Variants in PTBP3 observed in about 807,000 individuals in gnomAD.
PTBP3 encodes the protein polypyrimidine tract-binding protein 3.
PTBP3 carries 20 observed loss-of-function variants against 58.7 expected under a neutral mutation model. The observed-to-expected ratio is 0.34, with a 90% CI of 0.24 to 0.50. The LOEUF (loss-of-function observed/expected upper bound fraction) is 0.50, where lower values mean the gene tolerates loss of function less well. Among genes scored for constraint, PTBP3 ranks in the 20% least tolerant of loss-of-function variants. The pLI is 0.98. For synonymous variants in PTBP3, 185 were observed against 219.8 expected, an observed-to-expected ratio of 0.84 and a Z score of 1.40; for missense variants, 509 against 637.2, an observed-to-expected ratio of 0.80 and a Z score of 2.17.
At chr9:112,248,101 A>C (rs760501969) in intron 7 of PTBP3, among the ~76,000 whole-genome samples, 18 of 152,202 alleles carry the variant, frequency 1.2e-4, no homozygotes, top group Non-Finnish European at 2.4e-4. Context: ...TTATTACTAA[A>C]ACACCATAAA....
intron 2 of PTBP3, among the ~76,000 whole-genome samples, chr9:112,292,910 T>C (rs1047066274): frequency 6.6e-6 from 1 of 152,168 alleles, no homozygotes; most frequent in African/African-American, 2.4e-5. Context: ...TTTTGTATTT[T>C]TGACCAAAAT....
rs1208023241 is a variant in PTBP3 at position 112,218,586 on chromosome 9, T to A, written c.*5265A>T. 2 of 152,666 alleles carry A rather than the reference T, an allele frequency of 1.3e-5. No individual in the cohort carries two copies. Among genetic ancestry groups the A allele is most frequent in the Non-Finnish European group, 2.9e-5 (2 of 68,046 alleles). 9.5% of individuals were successfully genotyped at this position (152,666 alleles called of 1,614,324 possible). A position where few individuals can be genotyped will look rare whatever the true frequency, so the allele number is the denominator to read the frequency against. ...ATACTGTAGTGTACAGAAGCTTGAA[T>A]TAACCATGCACTACGCATTTAGAAA... is the stretch of plus-strand genomic sequence containing the variant. On this transcript the variant is annotated 3_prime_UTR_variant, in exon 14 of 14. Transcript: ENST00000374257.
chr9:112,231,432 A>G lies in PTBP3; in HGVS notation c.1021-19T>C. The G allele has an allele frequency of 6.4e-7, 1 of 1,566,248 alleles. No homozygotes were observed. Among genetic ancestry groups the G allele is most frequent in the Non-Finnish European group, 8.7e-7 (1 of 1,153,050 alleles). On this transcript the variant is annotated intron_variant, in intron 9 of 13. Coordinates refer to ENST00000374257, the MANE Select transcript of PTBP3 (RefSeq NM_001163788.4). ...TGATAAGCTGTAAAGGGTAACACAA[A>G]GTTAAGTGTCTGACAATTTAAGTAA... is the stretch of plus-strand genomic sequence containing the variant.
chr9:112,320,314 A>ATATATATATTTTTT lies in PTBP3; in HGVS notation c.-52+13155_-52+13156insAAAAAATATATATA. Among the ~76,000 whole-genome samples the ATATATATATTTTTT allele has an allele frequency of 7.4e-3, 558 of 75,586 alleles. 10 individuals are homozygous for ATATATATATTTTTT. The highest frequency in any genetic ancestry group is 9.8e-3 in the Non-Finnish European group (427 of 43,510). The allele number at this position is 75,586 out of a possible 152,430, so 49.6% of individuals were successfully genotyped here. On this transcript the variant is annotated intron_variant, in intron 1 of 13. Transcript: ENST00000374257. ...AAAATATATATATATATATATATATATTTTTTTTTAAGTGTTATCACCAGA... is the reference window on the plus strand; with the variant it reads ...AAAATATATATATATATATATATATATATATATATTTTTTTTTTTTTTTAAGTGTTATCACCAGA...
At chr9:112,290,198 G>A (rs1249606580) in intron 2 of PTBP3, among the ~76,000 whole-genome samples, 1 of 152,012 alleles carries the variant, frequency 6.6e-6, no homozygotes, top group East Asian at 1.9e-4. Context: ...TAAAAAACAA[G>A]TTAAAGAGAA....
At chr9:112,337,769 G>A (rs943415822), upstream of PTBP3, among the ~76,000 whole-genome samples, 8 of 152,174 alleles carry the variant, frequency 5.3e-5, no homozygotes, top group Non-Finnish European at 8.8e-5. Flanking sequence ...GATTATCTTT[G>A]GACAACATGT....
chr9:112,371,906 A>AT, the PTBP3 span, among the ~76,000 whole-genome samples: 1 of 151,592 alleles, frequency 6.6e-6, no homozygotes, highest in African/African-American at 2.4e-5. Flanking sequence ...GCTAATGGCT[A>AT]TTTTTTTGTT....
intron 1 of PTBP3, among the ~76,000 whole-genome samples, chr9:112,331,903 G>A (rs187562986): frequency 6.6e-6 from 1 of 152,128 alleles, no homozygotes; most frequent in Admixed American, 6.5e-5. Flanking sequence ...TACATTTTAC[G>A]ACACAAAAAA....
the PTBP3 span, among the ~76,000 whole-genome samples, chr9:112,351,799 T>C: frequency 2.6e-4 from 39 of 152,200 alleles, no homozygotes; most frequent in Non-Finnish European, 8.8e-5. Flanking sequence ...ACCTATGTGC[T>C]CCTTTGACAT....
At chr9:112,357,432 C>A in the PTBP3 span, among the ~76,000 whole-genome samples, 1 of 152,130 alleles carries the variant, frequency 6.6e-6, no homozygotes, top group East Asian at 1.9e-4. Flanking sequence ...CTCACTGCAG[C>A]CTCGACCTTC....
rs116138975 is a variant in PTBP3 at position 112,243,175 on chromosome 9, C to T, written c.802+7754G>A. 5.9e-3 allele frequency among the ~76,000 whole-genome samples: 872 copies of T among 148,904 alleles called. 7 individuals carry two copies. Among genetic ancestry groups the T allele is most frequent in the African/African-American group, 0.021 (830 of 40,478 alleles). On this transcript the variant is annotated intron_variant, in intron 7 of 13. Coordinates refer to ENST00000374257, the MANE Select transcript of PTBP3 (RefSeq NM_001163788.4). ...GTTTTCAGCAGCTCTACTCTAAATG[C>T]TTTCTTTTCCCATTTCTATATTAAT...
chr9:112,264,338 T>A (rs1836714778), intron 4 of PTBP3, among the ~76,000 whole-genome samples: 1 of 152,154 alleles, frequency 6.6e-6, no homozygotes, highest in Non-Finnish European at 1.5e-5. Flanking sequence ...ATCCACAAGG[T>A]CAAGAAAAGC....
At chr9:112,336,363 A>G (rs1830576253), upstream of PTBP3, among the ~76,000 whole-genome samples, 1 of 152,142 alleles carries the variant, frequency 6.6e-6, no homozygotes, top group Non-Finnish European at 1.5e-5. Flanking sequence ...AAGCCTTAAT[A>G]TCCTTTATAT....
chr9:112,251,581 T>C (rs1836118280), intron 6 of PTBP3, among the ~76,000 whole-genome samples: 1 of 152,150 alleles, frequency 6.6e-6, no homozygotes, highest in South Asian at 2.1e-4. Context: ...ACATAAAATA[T>C]TACCTACCAC....
intron 7 of PTBP3, among the ~76,000 whole-genome samples, chr9:112,236,860 C>T (rs1835458394): frequency 6.6e-6 from 1 of 152,074 alleles, no homozygotes; most frequent in Non-Finnish European, 1.5e-5. Flanking sequence ...AGGAGTGGAT[C>T]TTTAGCGTGG....
At chr9:112,284,674 C>T (rs138926309) in intron 2 of PTBP3, among the ~76,000 whole-genome samples, 1 of 152,048 alleles carries the variant, frequency 6.6e-6, no homozygotes, top group Admixed American at 6.6e-5. Flanking sequence ...CCAGCCTGGG[C>T]AACAGAGCAA....
chr9:112,331,744 A>G (rs923515370), intron 1 of PTBP3, among the ~76,000 whole-genome samples: 2 of 152,366 alleles, frequency 1.3e-5, no homozygotes, highest in African/African-American at 4.8e-5. Flanking sequence ...ATTCAAACCA[A>G]TAAACCCATT....
At chr9:112,273,585 C>T (rs10817308) in intron 3 of PTBP3, among the ~76,000 whole-genome samples, 84,971 of 152,046 alleles carry the variant, frequency 0.56, 25,591 homozygotes, top group African/African-American at 0.8. Context: ...TTTAAGTATA[C>T]AGAACCGAAA....
intron 2 of PTBP3, among the ~76,000 whole-genome samples, chr9:112,278,190 T>C (rs568273074): frequency 4.4e-4 from 67 of 152,138 alleles, no homozygotes; most frequent in Non-Finnish European, 8.7e-4. Context: ...TTACTACTCC[T>C]AGAAAAAGGT....
Sources: allele counts gnomAD v4.1 joint callset (sites outside exome capture counted in the v4.1 genomes callset), GRCh38; gene constraint gnomAD v4.1.1; transcripts MANE v1.5; gene names NCBI Gene and HGNC (gene_info 2026-07-23, HGNC 2026-07-21).